Variants in CDK5RAP2 observed in about 807,000 individuals in gnomAD.
The protein encoded by CDK5RAP2 is CDK5 regulatory subunit associated protein 2.
Under a neutral mutation model 232.9 loss-of-function variants are expected in CDK5RAP2, and 147 were observed. The ratio of observed to expected loss-of-function variants is 0.63; its 90% CI spans 0.55 to 0.72. The LOEUF (loss-of-function observed/expected upper bound fraction) is 0.72, where lower values mean the gene tolerates loss of function less well. CDK5RAP2 is among the 30% of genes least tolerant of loss of function. The probability of loss-of-function intolerance (pLI) is 0.00; values close to 1 mark genes in which losing one functional copy is unlikely to be tolerated. For synonymous variants in CDK5RAP2, 833 were observed against 833.7 expected, an observed-to-expected ratio of 1.00 and a Z score of 0.01; for missense variants, 2,195 against 2,231.5, an observed-to-expected ratio of 0.98 and a Z score of 0.33.
intron 14 of CDK5RAP2, among the ~76,000 whole-genome samples, chr9:120,479,332 A>G (rs1242892629): frequency 6.6e-6 from 1 of 152,248 alleles, no homozygotes; most frequent in South Asian, 2.1e-4. Flanking sequence ...TAAATAATTC[A>G]GCCAAGAAAC....
At chr9:120,441,935 A>C (rs978028888) in intron 23 of CDK5RAP2, among the ~76,000 whole-genome samples, 6 of 152,246 alleles carry the variant, frequency 3.9e-5, no homozygotes, top group African/African-American at 1.4e-4. Flanking sequence ...TGGCTGAACA[A>C]GAAAGAGAAA....
chr9:120,413,338 A>G (rs1237533493), intron 28 of CDK5RAP2, among the ~76,000 whole-genome samples: 1 of 152,178 alleles, frequency 6.6e-6, no homozygotes, highest in Non-Finnish European at 1.5e-5. Context: ...AACACATGAG[A>G]GGCCGGTTTT....
chr9:120,529,095 G>A (rs77836388), intron 8 of CDK5RAP2, among the ~76,000 whole-genome samples: 1 of 152,218 alleles, frequency 6.6e-6, no homozygotes, highest in Non-Finnish European at 1.5e-5. Flanking sequence ...AAGTGGGCAA[G>A]AGAGTTAAGA....
chr9:120,488,474 C>T (rs2038727953), intron 13 of CDK5RAP2, among the ~76,000 whole-genome samples: 1 of 152,142 alleles, frequency 6.6e-6, no homozygotes, highest in Non-Finnish European at 1.5e-5. Flanking sequence ...GGTGTCCTCT[C>T]CCTCTCCTCT....
At chr9:120,529,536 AC>A (rs1415560077) in intron 8 of CDK5RAP2, among the ~76,000 whole-genome samples, 1 of 151,936 alleles carries the variant, frequency 6.6e-6, no homozygotes, top group Non-Finnish European at 1.5e-5. Flanking sequence ...GGTATACTGA[AC>A]CCCTCCCATA....
At chr9:120,535,129 T>G (rs2041328497) in intron 7 of CDK5RAP2, among the ~76,000 whole-genome samples, 1 of 152,238 alleles carries the variant, frequency 6.6e-6, no homozygotes, top group Non-Finnish European at 1.5e-5. Flanking sequence ...TCACTCACCT[T>G]GAAATTATTA....
chr9:120,425,131 C>A (rs755051705), intron 25 of CDK5RAP2, among the ~76,000 whole-genome samples: 1 of 152,210 alleles, frequency 6.6e-6, no homozygotes, highest in Non-Finnish European at 1.5e-5. Flanking sequence ...CCATTCCTAA[C>A]CAAACTCATG....
chr9:120,579,835 G>T (rs904782724), intron 1 of CDK5RAP2, 85 bp downstream of exon 1: 2 of 1,145,458 alleles, frequency 1.7e-6, no homozygotes, highest in African/African-American at 1.5e-5. Flanking sequence ...ACCCTCAAGA[G>T]CAAACCCCAA....
chr9:120,486,148 T>A (rs2038589271), intron 14 of CDK5RAP2, among the ~76,000 whole-genome samples: 1 of 152,120 alleles, frequency 6.6e-6, no homozygotes, highest in Non-Finnish European at 1.5e-5. Flanking sequence ...CCTAGGGACC[T>A]CCCCATGAGG....
At chr9:120,552,853 A>G (rs1390954430) in intron 3 of CDK5RAP2, among the ~76,000 whole-genome samples, 1 of 152,160 alleles carries the variant, frequency 6.6e-6, no homozygotes, top group Non-Finnish European at 1.5e-5. Context: ...TTTAAAAAAA[A>G]AAAAGAGTGC....
intron 3 of CDK5RAP2, among the ~76,000 whole-genome samples, chr9:120,567,687 G>A (rs911095864): frequency 3.3e-5 from 5 of 152,146 alleles, no homozygotes; most frequent in Non-Finnish European, 7.3e-5. Flanking sequence ...TTCTCAGAAA[G>A]AAACTACACA....
chr9:120,422,518 T>G lies in CDK5RAP2; in HGVS notation c.4004+175A>C, dbSNP rs140102659. Among the ~76,000 whole-genome samples, 13 of 152,354 alleles carry G rather than the reference T, an allele frequency of 8.5e-5. No homozygotes were observed. In the East Asian group the frequency reaches 1.9e-3, roughly 23 times the overall value. On this transcript the variant is annotated intron_variant, in intron 26 of 37. Coordinates refer to ENST00000349780, the MANE Select transcript of CDK5RAP2 (RefSeq NM_018249.6). ...GAATGAATGAAAGCAACAGGACATA[T>G]GGCATGAGCTCTTGGTTTTGTATGG... is the stretch of plus-strand genomic sequence containing the variant.
rs1163233868 is a variant in CDK5RAP2 at position 120,389,812 on chromosome 9, T to C, written c.5579-25A>G. On this transcript the variant is annotated intron_variant, in intron 36 of 37. Transcript: ENST00000349780. The stretch of plus-strand genomic sequence containing the variant: ...ACTGAGGAGAGAGCAAAGAATGCAA[T>C]GATTAGGGCCATGGATATCCAGGAG... 1.9e-6 allele frequency: 3 copies of C among 1,611,450 alleles called. No individual in the cohort carries two copies. The Admixed American group carries it at 5.0e-5, about 27-fold the overall frequency.
chr9:120,529,892 C>T (rs1428490351), intron 8 of CDK5RAP2, 86 bp downstream of exon 8: 1 of 1,296,634 alleles, frequency 7.7e-7, no homozygotes, highest in African/African-American at 1.5e-5. Context: ...TGTGTGTGAA[C>T]CATGAGGACC....
In CDK5RAP2 at chr9:120,579,945, C is replaced by A. The variant is rs146839668; in HGVS notation, c.34G>T (p.Val12Phe). 6.2e-7 allele frequency: 1 copy of A among 1,613,436 alleles called. No individual in the cohort carries two copies. The highest frequency in any genetic ancestry group is 1.7e-5 in the Admixed American group (1 of 60,034). ...MDLVLEEDVT[V>F]PGTLSGCSGL... ...CTGCAGCCGCTGAGCGTCCCAGGGACGGTGACGTCCTCTTCCAACACCAAG... is the reference window on the plus strand; with the variant it reads ...CTGCAGCCGCTGAGCGTCCCAGGGAAGGTGACGTCCTCTTCCAACACCAAG... The change falls in exon 1 of 38, where the codon GTC becomes TTC. Residue 12 changes from valine (V) to phenylalanine (F), a missense_variant. Transcript: ENST00000349780.
intron 3 of CDK5RAP2, among the ~76,000 whole-genome samples, chr9:120,552,406 C>T (rs990308457): frequency 2.6e-5 from 4 of 152,092 alleles, no homozygotes. Flanking sequence ...ATGTTCACTG[C>T]AGCACTATTC....
chr9:120,513,638 G>C (rs2040194349), intron 12 of CDK5RAP2, among the ~76,000 whole-genome samples: 1 of 152,164 alleles, frequency 6.6e-6, no homozygotes, highest in Non-Finnish European at 1.5e-5. Flanking sequence ...GCCTGCTCTG[G>C]TCCTGCAAGC....
chr9:120,415,201 C>T (rs918587499), intron 27 of CDK5RAP2, 42 bp from the exon 28 acceptor site: 1 of 1,606,878 alleles, frequency 6.2e-7, no homozygotes, highest in Non-Finnish European at 8.5e-7. Context: ...TCTGAACCCC[C>T]AACAAATTGA....
At chr9:120,434,291 G>C (rs1434916279) in intron 25 of CDK5RAP2, among the ~76,000 whole-genome samples, 8 of 152,128 alleles carry the variant, frequency 5.3e-5, no homozygotes, top group Non-Finnish European at 4.4e-5. Context: ...GCTGGCCTGG[G>C]CATGCTAGAA....
Sources: gnomAD v4.1 joint callset for allele counts (sites outside exome capture counted in the v4.1 genomes callset) on GRCh38, gnomAD v4.1.1 for gene constraint, MANE v1.5 for transcripts, NCBI Gene and HGNC (gene_info 2026-07-23, HGNC 2026-07-21) for gene names.